Variants in XIRP2 observed in about 807,000 individuals in gnomAD.
XIRP2 encodes xin actin binding repeat containing 2.
Under a neutral mutation model 277.0 loss-of-function variants are expected in XIRP2, and 236 were observed. That is an observed-to-expected ratio of 0.85 (90% CI 0.77 to 0.95). The LOEUF (loss-of-function observed/expected upper bound fraction) is 0.95. XIRP2 is among the 40% of genes least tolerant of loss of function. XIRP2 has a pLI of 0.00. For missense variants in XIRP2, 4,640 were observed against 4,157.5 expected (o/e 1.12, Z -3.19); for synonymous variants, 1,490 against 1,416.5 (o/e 1.05, Z -1.17).
At chr2:167,022,923 A>G (rs1416386334) in intron 2 of XIRP2, among the ~76,000 whole-genome samples, 5 of 152,120 alleles carry the variant, frequency 3.3e-5, no homozygotes, top group South Asian at 2.1e-4. Flanking sequence ...ATATGTGTGC[A>G]TGTGTCTTTA....
intron 4 of XIRP2, among the ~76,000 whole-genome samples, chr2:167,212,913 G>GCACA (rs58755599): frequency 0.014 from 497 of 36,444 alleles, 6 homozygotes; most frequent in African/African-American, 0.044. Context: ...CCACCCCTCT[G>GCACA]CACACACACA....
chr2:166,925,412 A>G (rs1685152975), intron 2 of XIRP2, among the ~76,000 whole-genome samples: 1 of 151,710 alleles, frequency 6.6e-6, no homozygotes, highest in African/African-American at 2.4e-5. Flanking sequence ...CCAGGTTTGT[A>G]TTGCTTTTTA....
chr2:166,914,099 T>G (rs1684792497), intron 2 of XIRP2, among the ~76,000 whole-genome samples: 1 of 152,030 alleles, frequency 6.6e-6, no homozygotes, highest in Non-Finnish European at 1.5e-5. Context: ...GAAAACTGAG[T>G]CTTTATCAGA....
intron 2 of XIRP2, among the ~76,000 whole-genome samples, chr2:166,906,315 G>C (rs565270854): frequency 2.1e-4 from 32 of 151,720 alleles, no homozygotes; most frequent in Non-Finnish European, 4.6e-4. Flanking sequence ...AATTTTTAAA[G>C]GTATGGAATA....
chr2:167,010,853 A>G (rs1687656445), intron 2 of XIRP2, among the ~76,000 whole-genome samples: 1 of 152,022 alleles, frequency 6.6e-6, no homozygotes, highest in Non-Finnish European at 1.5e-5. Flanking sequence ...GAGTTCACTC[A>G]TGATTTGGCT....
chr2:166,904,164 A>T (rs74370860), intron 2 of XIRP2, among the ~76,000 whole-genome samples: 161 of 152,254 alleles, frequency 1.1e-3, no homozygotes, highest in African/African-American at 3.6e-3. Flanking sequence ...TTATTTCTAC[A>T]ACTACGTTGT....
chr2:167,062,494 G>T (rs184847945), intron 2 of XIRP2, among the ~76,000 whole-genome samples: 106 of 152,102 alleles, frequency 7.0e-4, no homozygotes, highest in African/African-American at 2.4e-3. Context: ...TTACTTTGTT[G>T]TCTGGTTTTG....
rs112413568 is a variant in XIRP2 at position 167,076,978 on chromosome 2, A to G, written c.409-58931A>G. Among the ~76,000 whole-genome samples, 607 of 151,860 alleles carry G rather than the reference A, an allele frequency of 4.0e-3. 5 individuals are homozygous for G. Among genetic ancestry groups the G allele is most frequent in the African/African-American group, 0.014 (589 of 41,414 alleles). On this transcript the variant is annotated intron_variant, in intron 2 of 10. Coordinates refer to ENST00000409195, the MANE Select transcript of XIRP2 (RefSeq NM_152381.6). ...CCCGAATACCTCAGGTTACAGGCAC[A>G]TGCCCCCCTACTTGGCTCATTTTTG...
At chr2:166,901,925 T>C (rs552586107) in intron 1 of XIRP2, among the ~76,000 whole-genome samples, 136 of 152,262 alleles carry the variant, frequency 8.9e-4, no homozygotes, top group South Asian at 8.3e-3. Flanking sequence ...GGCTGAGGTA[T>C]AGTATCAATA....
At chr2:167,046,871 C>T (rs1413982370) in intron 2 of XIRP2, among the ~76,000 whole-genome samples, 9 of 151,664 alleles carry the variant, frequency 5.9e-5, no homozygotes, top group African/African-American at 2.2e-4. Flanking sequence ...CAAACACCAG[C>T]AACGTGGAAT....
intron 5 of XIRP2, among the ~76,000 whole-genome samples, chr2:167,225,182 C>T (rs777414824): frequency 4.6e-5 from 7 of 152,038 alleles, no homozygotes; most frequent in Non-Finnish European, 7.4e-5. Context: ...CTTTTGAAGA[C>T]TGCTTTATTT....
intron 2 of XIRP2, among the ~76,000 whole-genome samples, chr2:166,938,145 T>G (rs182713557): frequency 5.9e-5 from 9 of 152,322 alleles, no homozygotes; most frequent in African/African-American, 2.2e-4. Context: ...AGCTTTTGAA[T>G]GTGTTTGCTC....
At chr2:167,194,607 A>T (rs1693446482) in intron 3 of XIRP2, among the ~76,000 whole-genome samples, 1 of 152,138 alleles carries the variant, frequency 6.6e-6, no homozygotes, top group African/African-American at 2.4e-5. Context: ...AGAGGTTCCA[A>T]ATGAACTCCA....
intron 2 of XIRP2, among the ~76,000 whole-genome samples, chr2:166,988,499 T>A (rs1283993472): frequency 6.7e-6 from 1 of 149,560 alleles, no homozygotes; most frequent in Non-Finnish European, 1.5e-5. Context: ...GGTCTACAGC[T>A]CCCAGCGTGA....
Position 167,243,928 on chromosome 2 carries a change from G to A in XIRP2, c.2536G>A (p.Glu846Lys), listed in dbSNP as rs774734983. Residue 846 changes from glutamate to lysine, a missense_variant, in exon 9 of 11, where the codon GAA becomes AAA. Physicochemically the swap from Glu to Lys is moderately conservative, Grantham distance 56. Transcript: ENST00000409195. Reference sequence around the variant, plus strand: ...TGTCTCCAGAAAGTGTTGGATGTTTGAAACCCAGCCATTAGACATTCTAAA... The same window carrying A: ...TGTCTCCAGAAAGTGTTGGATGTTTAAAACCCAGCCATTAGACATTCTAAA... ...TDVSRKCWMF[E>K]TQPLDILKEV... The A allele has an allele frequency of 6.2e-7, 1 of 1,614,064 alleles. No individual in the cohort carries two copies. Among genetic ancestry groups the A allele is most frequent in the Non-Finnish European group, 8.5e-7 (1 of 1,179,970 alleles).
chr2:166,986,757 C>T (rs959729243), intron 2 of XIRP2, among the ~76,000 whole-genome samples: 3 of 152,110 alleles, frequency 2.0e-5, no homozygotes, highest in Non-Finnish European at 2.9e-5. Context: ...TTAACTTTTT[C>T]GTGCTGTGAA....
chr2:166,949,232 C>T (rs990458098), intron 2 of XIRP2, among the ~76,000 whole-genome samples: 1 of 152,018 alleles, frequency 6.6e-6, no homozygotes, highest in Admixed American at 6.6e-5. Flanking sequence ...TATAGCGATT[C>T]AAGAGTATTA....
intron 3 of XIRP2, among the ~76,000 whole-genome samples, chr2:167,173,530 G>T (rs993595413): frequency 6.6e-6 from 1 of 152,114 alleles, no homozygotes; most frequent in African/African-American, 2.4e-5. Context: ...CCATTTATCT[G>T]TTGATGGACA....
intron 5 of XIRP2, among the ~76,000 whole-genome samples, chr2:167,234,147 T>C (rs1694835175): frequency 6.6e-6 from 1 of 151,554 alleles, no homozygotes; most frequent in Non-Finnish European, 1.5e-5. Context: ...CCTCCCTTTT[T>C]TGACAGCAAA....
Sources: gnomAD v4.1 joint callset for allele counts (sites outside exome capture counted in the v4.1 genomes callset) on GRCh38, gnomAD v4.1.1 for gene constraint, MANE v1.5 for transcripts, NCBI Gene and HGNC (gene_info 2026-07-23, HGNC 2026-07-21) for gene names.